Variants in CRPPA observed in about 807,000 individuals in gnomAD.
CRPPA encodes CDP-L-ribitol pyrophosphorylase A.
CRPPA carries 43 observed loss-of-function variants against 52.0 expected under a neutral mutation model. That is an observed-to-expected ratio of 0.83 (90% CI 0.65 to 1.07). The LOEUF (loss-of-function observed/expected upper bound fraction) is 1.07, where lower values mean the gene tolerates loss of function less well. Among genes scored for constraint, CRPPA ranks in the 50% least tolerant of loss-of-function variants. The pLI is 0.00. For missense variants in CRPPA, 629 were observed against 551.7 expected, an observed-to-expected ratio of 1.14 and a Z score of -1.40; for synonymous variants, 250 against 203.5, an observed-to-expected ratio of 1.23 and a Z score of -1.94.
chr7:16,211,358 G>A (rs1782132137), intron 9 of CRPPA, among the ~76,000 whole-genome samples: 1 of 152,048 alleles, frequency 6.6e-6, no homozygotes, highest in Non-Finnish European at 1.5e-5. Context: ...AAAATATCTG[G>A]TCTCATAAAC....
At chr7:16,215,817 A>G (rs950969187) in intron 9 of CRPPA, among the ~76,000 whole-genome samples, 2 of 152,166 alleles carry the variant, frequency 1.3e-5, no homozygotes, top group Non-Finnish European at 2.9e-5. Flanking sequence ...GATAAACCTG[A>G]CAGTTCTATT....
chr7:16,395,062 T>C (rs192804377), intron 2 of CRPPA, among the ~76,000 whole-genome samples: 34 of 152,314 alleles, frequency 2.2e-4, no homozygotes, highest in African/African-American at 6.0e-4. Flanking sequence ...GTTAGTGGCC[T>C]GCAAGGCACA....
chr7:16,400,559 C>T (rs1240689174), intron 2 of CRPPA, among the ~76,000 whole-genome samples: 1 of 152,226 alleles, frequency 6.6e-6, no homozygotes, highest in East Asian at 1.9e-4. Flanking sequence ...ACGATCGACA[C>T]TTGACTGACA....
chr7:16,243,956 C>T (rs1200579308), intron 8 of CRPPA, among the ~76,000 whole-genome samples: 2 of 152,100 alleles, frequency 1.3e-5, no homozygotes, highest in East Asian at 3.9e-4. Context: ...AGAGTGAGAT[C>T]CTGTCTCAGT....
At chr7:16,246,487 G>T (rs1583462549) in intron 8 of CRPPA, among the ~76,000 whole-genome samples, 1 of 152,108 alleles carries the variant, frequency 6.6e-6, no homozygotes, top group African/African-American at 2.4e-5. Context: ...TTTCCAGAAG[G>T]TTTTCAATTT....
chr7:16,102,330 G>A (rs745795592), intron 9 of CRPPA, among the ~76,000 whole-genome samples: 21 of 152,050 alleles, frequency 1.4e-4, no homozygotes, highest in African/African-American at 4.1e-4. Context: ...AAACTTCAAC[G>A]TAAGACATAA....
At chr7:16,112,257 G>A (rs972995712) in intron 9 of CRPPA, among the ~76,000 whole-genome samples, 5 of 152,040 alleles carry the variant, frequency 3.3e-5, no homozygotes, top group Non-Finnish European at 7.4e-5. Context: ...AGAGGTTGCA[G>A]TAAGCCGAGA....
chr7:16,399,367 A>G (rs1162961181), intron 2 of CRPPA, among the ~76,000 whole-genome samples: 1 of 151,956 alleles, frequency 6.6e-6, no homozygotes, highest in African/African-American at 2.4e-5. Context: ...GATTGACGTG[A>G]CACATTTGTG....
intron 6 of CRPPA, among the ~76,000 whole-genome samples, chr7:16,265,192 A>T (rs1295143): frequency 6.6e-6 from 1 of 152,016 alleles, no homozygotes; most frequent in African/African-American, 2.4e-5. Context: ...CTGGTGGATC[A>T]TAACAGTGGC....
intron 2 of CRPPA, among the ~76,000 whole-genome samples, chr7:16,398,218 A>G (rs377756199): frequency 3.6e-4 from 55 of 152,172 alleles, no homozygotes; most frequent in African/African-American, 7.7e-4. Context: ...CATGATCTAC[A>G]TGTAATAACG....
At chr7:16,196,107 G>A (rs537197625) in intron 9 of CRPPA, among the ~76,000 whole-genome samples, 2 of 133,770 alleles carry the variant, frequency 1.5e-5, no homozygotes, top group Non-Finnish European at 3.3e-5. Flanking sequence ...ATACAAACAT[G>A]TGTATAGAAA....
At position 16,203,887 on chromosome 7, in the gene CRPPA, T is replaced by G. The variant is rs80013737; in HGVS notation, c.1251+12179A>C. 3.6e-3 allele frequency among the ~76,000 whole-genome samples: 544 copies of G among 152,282 alleles called. 3 individuals carry two copies. Among genetic ancestry groups the G allele is most frequent in the East Asian group, 0.02 (102 of 5,174 alleles). On this transcript the variant is annotated intron_variant, in intron 9 of 9. Coordinates refer to ENST00000407010, the MANE Select transcript of CRPPA (RefSeq NM_001101426.4). ...TGCATTTTAAATCATCATAAAATTT[T>G]ATTCAGGAAGCAAAATACTGGAATC...
chr7:16,312,127 C>A (rs1583510751), intron 3 of CRPPA, among the ~76,000 whole-genome samples: 1 of 152,004 alleles, frequency 6.6e-6, no homozygotes, highest in African/African-American at 2.4e-5. Flanking sequence ...TTCAGATAAA[C>A]TTTAGAATAA....
chr7:16,119,199 G>T (rs777164544), intron 9 of CRPPA, among the ~76,000 whole-genome samples: 1 of 151,876 alleles, frequency 6.6e-6, no homozygotes, highest in Non-Finnish European at 1.5e-5. Context: ...TAATTACAGG[G>T]AAGGCTACTA....
chr7:16,157,966 G>A (rs368848360), intron 9 of CRPPA, among the ~76,000 whole-genome samples: 2 of 151,502 alleles, frequency 1.3e-5, no homozygotes, highest in Admixed American at 6.6e-5. Context: ...CCTCCACCTC[G>A]GGGAATCAAG....
intron 5 of CRPPA, 145 bp downstream of exon 5, chr7:16,301,276 A>T (rs1255294177): frequency 6.5e-6 from 4 of 619,032 alleles, no homozygotes; most frequent in Non-Finnish European, 5.8e-6. Flanking sequence ...CATAAAATGT[A>T]ATTATTTTCA....
intron 5 of CRPPA, among the ~76,000 whole-genome samples, chr7:16,287,760 A>G (rs887334760): frequency 1.6e-4 from 25 of 152,130 alleles, no homozygotes; most frequent in Admixed American, 1.4e-3. Context: ...TGTCTCTACT[A>G]AAAATACAGA....
intron 4 of CRPPA, among the ~76,000 whole-genome samples, chr7:16,302,834 AT>A (rs34918202): frequency 0.22 from 33,022 of 152,040 alleles, 4,562 homozygotes; most frequent in Admixed American, 0.31. Context: ...TACAGGACTG[AT>A]TTTTTTAAGT....
chr7:16,326,250 G>T (rs1785386291), intron 3 of CRPPA, among the ~76,000 whole-genome samples: 1 of 152,080 alleles, frequency 6.6e-6, no homozygotes, highest in African/African-American at 2.4e-5. Flanking sequence ...GGATTATCAT[G>T]ATATTAAACA....
Sources: gnomAD v4.1 joint callset for allele counts (sites outside exome capture counted in the v4.1 genomes callset) on GRCh38, gnomAD v4.1.1 for gene constraint, MANE v1.5 for transcripts, NCBI Gene and HGNC (gene_info 2026-07-23, HGNC 2026-07-21) for gene names.